EFCAB8: variants seen among roughly 807,000 people sequenced by gnomAD.
EFCAB8 encodes EF-hand calcium-binding domain-containing protein 8.
In EFCAB8, 100 loss-of-function variants were observed where a neutral mutation model predicts 116.3. The ratio of observed to expected loss-of-function variants is 0.86; its 90% CI spans 0.73 to 1.02. The LOEUF (loss-of-function observed/expected upper bound fraction) is 1.02. Ranked by LOEUF, EFCAB8 falls within the 50% of genes least tolerant of loss-of-function variation. EFCAB8 has a pLI of 0.00. For missense variants in EFCAB8, 1,320 were observed against 1,416.9 expected, an observed-to-expected ratio of 0.93 and a Z score of 1.10; for synonymous variants, 558 against 567.9, an observed-to-expected ratio of 0.98 and a Z score of 0.25.
At chr20:32,869,995 T>TA (rs1984608651) in intron 3 of EFCAB8, among the ~76,000 whole-genome samples, 1 of 152,194 alleles carries the variant, frequency 6.6e-6, no homozygotes, top group South Asian at 2.1e-4. Context: ...CCTGAGATAA[T>TA]ACTCCTGTAA....
At chr20:32,886,163 T>C (rs966308556) in intron 6 of EFCAB8, among the ~76,000 whole-genome samples, 2 of 152,252 alleles carry the variant, frequency 1.3e-5, no homozygotes, top group African/African-American at 4.8e-5. Flanking sequence ...ATATACTCCC[T>C]GTGCCTCAGT....
At chr20:32,916,403 G>GT (rs1420596337) in intron 17 of EFCAB8, among the ~76,000 whole-genome samples, 2 of 152,164 alleles carry the variant, frequency 1.3e-5, no homozygotes, top group Non-Finnish European at 2.9e-5. Flanking sequence ...GACTACAAGT[G>GT]TGTGTCACTA....
chr20:32,950,832 G>T (rs1988776104), intron 23 of EFCAB8, among the ~76,000 whole-genome samples: 1 of 152,098 alleles, frequency 6.6e-6, no homozygotes, highest in Admixed American at 6.5e-5. Context: ...TTTACTGTCT[G>T]CTCTTTTTGG....
Position 32,938,502 on chromosome 20 carries a change from ACTATCT to A in EFCAB8, c.2791-5127_2791-5122del, listed in dbSNP as rs775142315. Among the ~76,000 whole-genome samples, 155 of 149,958 alleles carry A rather than the reference ACTATCT, an allele frequency of 1.0e-3. 5 individuals are homozygous for A. The highest frequency in any genetic ancestry group is 8.7e-4 in the Non-Finnish European group (59 of 67,508). ...ATCTATATTGGGGAGGAAGAAGTTA[ACTATCT>A]CTATCTGCAGATGACATAATCTTAT... is the stretch of plus-strand genomic sequence containing the variant. On this transcript the variant is annotated intron_variant, in intron 22 of 26. Transcript: ENST00000400522.
intron 19 of EFCAB8, 35 bp downstream of exon 19, chr20:32,918,609 A>G: frequency 6.5e-7 from 1 of 1,542,734 alleles, no homozygotes; most frequent in South Asian, 1.2e-5. Flanking sequence ...GGCTACCCTC[A>G]CTCTCTAGCC....
chr20:32,960,892 C>A (rs975423527), intron 26 of EFCAB8, among the ~76,000 whole-genome samples: 1 of 152,230 alleles, frequency 6.6e-6, no homozygotes, highest in African/African-American at 2.4e-5. Flanking sequence ...TGCTCGCCAG[C>A]TCACAGAGTT....
chr20:32,878,976 A>C (rs1474357541), intron 5 of EFCAB8, among the ~76,000 whole-genome samples, 169 bp downstream of exon 5: 17 of 152,134 alleles, frequency 1.1e-4, no homozygotes, highest in Admixed American at 7.9e-4. Flanking sequence ...CAGCCCTGTA[A>C]GTGTTAGGAC....
chr20:32,877,879 G>C (rs1985066497), intron 4 of EFCAB8, among the ~76,000 whole-genome samples: 1 of 152,156 alleles, frequency 6.6e-6, no homozygotes, highest in African/African-American at 2.4e-5. Flanking sequence ...TGCCAGTTGT[G>C]GGGGTGATCT....
intron 5 of EFCAB8, among the ~76,000 whole-genome samples, chr20:32,879,195 G>A (rs1054707665): frequency 6.6e-6 from 1 of 152,208 alleles, no homozygotes; most frequent in Non-Finnish European, 1.5e-5. Context: ...AGGGGCACAG[G>A]TGGCACAGGT....
chr20:32,886,877 G>A (rs993627658), intron 6 of EFCAB8, among the ~76,000 whole-genome samples: 4 of 152,144 alleles, frequency 2.6e-5, no homozygotes, highest in Admixed American at 6.5e-5. Context: ...AGTTTGAGGC[G>A]GGGCCTGAGT....
intron 5 of EFCAB8, among the ~76,000 whole-genome samples, chr20:32,882,154 C>T (rs186323280): frequency 7.2e-5 from 11 of 152,108 alleles, no homozygotes; most frequent in African/African-American, 2.4e-4. Flanking sequence ...GCCGAGATTG[C>T]GCCATTGCTG....
chr20:32,927,366 A>G (rs1244181635), intron 20 of EFCAB8, among the ~76,000 whole-genome samples: 2 of 151,934 alleles, frequency 1.3e-5, no homozygotes, highest in Non-Finnish European at 2.9e-5. Context: ...TTTTTTTGAG[A>G]CAGAGTCTCA....
At position 32,867,681 on chromosome 20, in the gene EFCAB8, C is replaced by T; in HGVS notation, c.142C>T (p.Leu48=). The T allele has an allele frequency of 1.3e-6, 2 of 1,551,660 alleles. No individual in the cohort carries two copies. The highest frequency in any genetic ancestry group is 2.4e-5 in the East Asian group (1 of 40,914). ...GCCTGACCTCCAGCCTGGGTCCCAGCTGTTTACTGAGATACACCTGGCCAA... is the reference window on the plus strand; with the variant it reads ...GCCTGACCTCCAGCCTGGGTCCCAGTTGTTTACTGAGATACACCTGGCCAA... The part of the protein sequence containing the change: ...QVPDLQPGSQ[L]FTEIHLAKIE... The change falls in exon 3 of 27, where the codon CTG becomes TTG. Residue 48 remains leucine, a synonymous_variant. Coordinates refer to ENST00000400522, the MANE Select transcript of EFCAB8 (RefSeq NM_001143967.2).
chr20:32,931,507 C>G, intron 22 of EFCAB8, 171 bp downstream of exon 22: 1 of 498,174 alleles, frequency 2.0e-6, no homozygotes, highest in Non-Finnish European at 2.6e-6. Flanking sequence ...GCCTGTAATC[C>G]CAGCACTTTG....
chr20:32,938,292 G>A (rs955069051), intron 22 of EFCAB8, among the ~76,000 whole-genome samples: 5 of 149,802 alleles, frequency 3.3e-5, no homozygotes, highest in Non-Finnish European at 3.0e-5. Flanking sequence ...CAATAAACTA[G>A]AAATAGAAAC....
At chr20:32,950,874 T>G (rs1415634693) in intron 23 of EFCAB8, among the ~76,000 whole-genome samples, 1 of 152,162 alleles carries the variant, frequency 6.6e-6, no homozygotes, top group Non-Finnish European at 1.5e-5. Flanking sequence ...GTGATTTCCT[T>G]GAAATGCATG....
chr20:32,890,687 G>A (rs537617042), intron 7 of EFCAB8, among the ~76,000 whole-genome samples: 2 of 152,344 alleles, frequency 1.3e-5, no homozygotes, highest in African/African-American at 4.8e-5. Flanking sequence ...AGGAGAGAGA[G>A]TGGCTGTTCT....
chr20:32,938,865 A>G (rs181050551), intron 22 of EFCAB8, among the ~76,000 whole-genome samples: 2 of 149,708 alleles, frequency 1.3e-5, no homozygotes, highest in East Asian at 2.0e-4. Flanking sequence ...ATTTAATGCA[A>G]TTTATATCAA....
intron 23 of EFCAB8, among the ~76,000 whole-genome samples, chr20:32,950,835 C>T (rs1249004342): frequency 2.6e-5 from 4 of 152,128 alleles, no homozygotes; most frequent in African/African-American, 7.2e-5. Flanking sequence ...ACTGTCTGCT[C>T]TTTTTGGCTG....
Sources: gnomAD v4.1 joint callset for allele counts (sites outside exome capture counted in the v4.1 genomes callset) on GRCh38, gnomAD v4.1.1 for gene constraint, MANE v1.5 for transcripts, NCBI Gene and HGNC (gene_info 2026-07-23, HGNC 2026-07-21) for gene names.